The following USP13 variants were observed in gnomAD, a reference collection of about 807,000 sequenced individuals.
The protein encoded by USP13 is ubiquitin carboxyl-terminal hydrolase 13.
USP13 carries 68 observed loss-of-function variants against 107.8 expected under a neutral mutation model. That is an observed-to-expected ratio of 0.63 (90% confidence interval 0.52 to 0.77). USP13 has a LOEUF of 0.77. Ranked by LOEUF, USP13 falls within the 30% of genes least tolerant of loss-of-function variation. The pLI is 0.00. For synonymous variants in USP13, 377 were observed against 389.5 expected, an observed-to-expected ratio of 0.97 and a Z score of 0.38; for missense variants, 945 against 1,093.3, an observed-to-expected ratio of 0.86 and a Z score of 1.91.
At chr3:179,700,018 G>C (rs1168076426) in intron 3 of USP13, among the ~76,000 whole-genome samples, 1 of 152,052 alleles carries the variant, frequency 6.6e-6, no homozygotes, top group Non-Finnish European at 1.5e-5. Context: ...GAGTGGAATA[G>C]CTAGCTCTTT....
intron 1 of USP13, among the ~76,000 whole-genome samples, chr3:179,660,279 C>T (rs958437668): frequency 1.3e-5 from 2 of 152,182 alleles, no homozygotes; most frequent in African/African-American, 4.8e-5. Flanking sequence ...CAATAAACCC[C>T]CACTTCTCCC....
In USP13 at chr3:179,730,191, A is replaced by G; in HGVS notation, c.1091A>G (p.Tyr364Cys). The change falls in exon 9 of 21, where the codon TAT becomes TGT. Residue 364 changes from tyrosine (Y) to cysteine (C), a missense_variant and splice_region_variant. Physicochemically the swap from Tyr to Cys is radical, Grantham distance 194. Transcript: ENST00000263966. ...IFSIPEFQRA[Y>C]VGNLPRIFDY... The stretch of plus-strand genomic sequence containing the variant: ...AACTATTGCCTCTCATTTTCTAGGT[A>G]TGTAGGAAACCTTCCCAGAATATTT... 2 of 1,612,862 alleles carry G rather than the reference A, an allele frequency of 1.2e-6. No individual in the cohort carries two copies. Among genetic ancestry groups the G allele is most frequent in the Non-Finnish European group, 1.7e-6 (2 of 1,179,540 alleles).
chr3:179,756,216 A>G (rs1048824493), intron 15 of USP13, among the ~76,000 whole-genome samples: 7 of 152,078 alleles, frequency 4.6e-5, no homozygotes, highest in African/African-American at 1.7e-4. Context: ...CGAAGTCAGG[A>G]GATTAAGACC....
intron 1 of USP13, among the ~76,000 whole-genome samples, chr3:179,675,058 C>G (rs983047463): frequency 2.6e-5 from 4 of 151,858 alleles, no homozygotes; most frequent in African/African-American, 9.7e-5. Flanking sequence ...GCCTGTAGTC[C>G]CAGCTACTCG....
Position 179,787,888 on chromosome 3 carries a change from C to G in USP13, c.*3747C>G, listed in dbSNP as rs1715958929. On this transcript the variant is annotated 3_prime_UTR_variant, in exon 21 of 21. Transcript: ENST00000263966. ...GGATTACACGCATGAGCTACCGCGT[C>G]CAGCCCCACTTTTTTTCTACTCTTG... 1 of 152,194 alleles carries G rather than the reference C, an allele frequency of 6.6e-6. No homozygotes were observed. The highest frequency in any genetic ancestry group is 2.4e-5 in the African/African-American group (1 of 41,448). 9.4% of individuals were successfully genotyped at this position (152,194 alleles called of 1,614,324 possible).
intron 2 of USP13, among the ~76,000 whole-genome samples, chr3:179,686,627 C>G (rs2108459240): frequency 6.6e-6 from 1 of 152,272 alleles, no homozygotes; most frequent in South Asian, 2.1e-4. Context: ...AATTTGTGTC[C>G]TTCTTCAGTC....
intron 10 of USP13, among the ~76,000 whole-genome samples, chr3:179,736,087 A>AGG (rs1713986145): frequency 1.3e-5 from 2 of 152,140 alleles, no homozygotes; most frequent in African/African-American, 4.8e-5. Flanking sequence ...AAAATTAACA[A>AGG]CCATCCCTTA....
intron 4 of USP13, among the ~76,000 whole-genome samples, chr3:179,701,865 C>T (rs1560054039): frequency 6.6e-6 from 1 of 152,162 alleles, no homozygotes. Context: ...TAGAGGGAAG[C>T]CAGGTTTTGT....
chr3:179,727,591 C>T (rs1389116899), intron 8 of USP13, among the ~76,000 whole-genome samples: 4 of 114,022 alleles, frequency 3.5e-5, no homozygotes, highest in Admixed American at 9.9e-5. Flanking sequence ...CGGCAACCAT[C>T]CGATTTCTCA....
At chr3:179,770,890 G>A (rs1006293724) in intron 19 of USP13, among the ~76,000 whole-genome samples, 17 of 152,160 alleles carry the variant, frequency 1.1e-4, no homozygotes, top group Non-Finnish European at 1.6e-4. Context: ...ACAGGTGTGA[G>A]CCACTGCACC....
At chr3:179,744,175 C>T (rs982889139) in intron 12 of USP13, among the ~76,000 whole-genome samples, 2 of 152,124 alleles carry the variant, frequency 1.3e-5, no homozygotes, top group Non-Finnish European at 2.9e-5. Flanking sequence ...TGGTTACTGT[C>T]ATGGGTTGTT....
chr3:179,746,738 G>T (rs1221252968), intron 13 of USP13, among the ~76,000 whole-genome samples: 1 of 151,624 alleles, frequency 6.6e-6, no homozygotes, highest in Admixed American at 6.6e-5. Flanking sequence ...GCCAATTTTT[G>T]TTTTTTTAGT....
chr3:179,756,989 C>CA (rs1247845154), intron 15 of USP13, 63 bp from the exon 16 acceptor site: 1 of 1,585,258 alleles, frequency 6.3e-7, no homozygotes, highest in African/African-American at 1.4e-5. Context: ...AATGGGTTTT[C>CA]TTTTTTCTAA....
intron 1 of USP13, among the ~76,000 whole-genome samples, chr3:179,673,540 C>T (rs542673785): frequency 3.9e-5 from 6 of 152,258 alleles, no homozygotes; most frequent in South Asian, 4.2e-4. Context: ...TTTCTCATAG[C>T]GATAGATTTC....
chr3:179,721,491 G>T lies in USP13; in HGVS notation c.990G>T (p.Met330Ile). 1 of 1,614,202 alleles carries T rather than the reference G, an allele frequency of 6.2e-7. No individual in the cohort carries two copies. Among genetic ancestry groups the T allele is most frequent in the Non-Finnish European group, 8.5e-7 (1 of 1,180,048 alleles). Reference protein sequence around the residue: ...IQESGTKLKPMYGPGYTGLKN... With the variant: ...IQESGTKLKPIYGPGYTGLKN... ...AGTCGGGCACGAAACTGAAGCCAAT[G>T]TATGGTCCTGGCTACACGGGTCTGA... Residue 330 changes from methionine (M) to isoleucine (I), a missense_variant, in exon 8 of 21, where the codon ATG (methionine) becomes ATT (isoleucine). Coordinates refer to ENST00000263966, the MANE Select transcript of USP13 (RefSeq NM_003940.3). The surrounding 1 kb of genome is among the most constrained non-coding windows in gnomAD (Gnocchi z 4.3).
At chr3:179,769,560 A>T (rs1391676139) in intron 19 of USP13, among the ~76,000 whole-genome samples, 3 of 152,158 alleles carry the variant, frequency 2.0e-5, no homozygotes, top group Non-Finnish European at 4.4e-5. Context: ...GGCATGCACC[A>T]TCATACCTGG....
At chr3:179,687,334 C>T (rs1296204873) in intron 2 of USP13, among the ~76,000 whole-genome samples, 1 of 152,042 alleles carries the variant, frequency 6.6e-6, no homozygotes, top group African/African-American at 2.4e-5. Context: ...TCCATTCCTG[C>T]TGTTCTTGTC....
chr3:179,660,679 C>G (rs1720431484), intron 1 of USP13, among the ~76,000 whole-genome samples: 1 of 152,164 alleles, frequency 6.6e-6, no homozygotes, highest in Non-Finnish European at 1.5e-5. Flanking sequence ...AATGAGACTT[C>G]CCATCATAAT....
intron 8 of USP13, among the ~76,000 whole-genome samples, chr3:179,724,909 A>C (rs576872288): frequency 6.6e-6 from 1 of 152,312 alleles, no homozygotes; most frequent in East Asian, 1.9e-4. Context: ...CAGCAAAGTG[A>C]ACTTTTCTGA....
Sources: allele counts gnomAD v4.1 joint callset (sites outside exome capture counted in the v4.1 genomes callset), GRCh38; gene constraint gnomAD v4.1.1; non-coding constraint Gnocchi (gnomAD v3.1); transcripts MANE v1.5; gene names NCBI Gene and HGNC (gene_info 2026-07-23, HGNC 2026-07-21).